Variants in ZBTB20 observed in about 807,000 individuals in gnomAD.
ZBTB20 encodes the protein zinc finger and BTB domain-containing protein 20.
ZBTB20 carries 9 observed loss-of-function variants against 56.9 expected under a neutral mutation model. The observed-to-expected ratio is 0.16, with a 90% CI of 0.10 to 0.28. ZBTB20 has a LOEUF of 0.28. ZBTB20 is among the 10% of genes least tolerant of loss of function. The pLI, the probability that ZBTB20 is intolerant of heterozygous loss-of-function variation, is 1.00. For synonymous variants in ZBTB20, 417 were observed against 420.7 expected, an observed-to-expected ratio of 0.99 and a Z score of 0.11; for missense variants, 655 against 1,003.0, an observed-to-expected ratio of 0.65 and a Z score of 4.69.
At chr3:115,035,479 T>C (rs2080875139) in intron 2 of ZBTB20, among the ~76,000 whole-genome samples, 1 of 151,826 alleles carries the variant, frequency 6.6e-6, no homozygotes. Context: ...GACTAATCAT[T>C]TGGGAAATGT....
intron 5 of ZBTB20, among the ~76,000 whole-genome samples, chr3:114,746,144 T>C (rs1453779462): frequency 2.0e-5 from 3 of 152,228 alleles, no homozygotes; most frequent in African/African-American, 7.2e-5. Context: ...GAATACCTAC[T>C]GAAGCCTTTG....
At chr3:115,015,416 G>C (rs1447328401) in intron 2 of ZBTB20, among the ~76,000 whole-genome samples, 1 of 151,672 alleles carries the variant, frequency 6.6e-6, no homozygotes, top group Non-Finnish European at 1.5e-5. Context: ...CCATCACCTA[G>C]GTATTAAACC....
chr3:114,853,485 G>A (rs978721699), intron 4 of ZBTB20, among the ~76,000 whole-genome samples: 1 of 152,096 alleles, frequency 6.6e-6, no homozygotes, highest in Non-Finnish European at 1.5e-5. Context: ...TTTTTCATCT[G>A]TGGCCTCCTA....
chr3:114,741,337 T>C (rs2066555267), intron 5 of ZBTB20, among the ~76,000 whole-genome samples: 1 of 152,100 alleles, frequency 6.6e-6, no homozygotes, highest in Non-Finnish European at 1.5e-5. Flanking sequence ...TCAAGAAAAA[T>C]GGAACCATCT....
At chr3:114,358,810 T>C (rs1286737159) in intron 10 of ZBTB20, among the ~76,000 whole-genome samples, 1 of 152,174 alleles carries the variant, frequency 6.6e-6, no homozygotes, top group Non-Finnish European at 1.5e-5. Flanking sequence ...AATTTATCCA[T>C]AAGGATCTTT....
chr3:114,861,078 C>A (rs1323851651), intron 4 of ZBTB20, among the ~76,000 whole-genome samples: 3 of 152,130 alleles, frequency 2.0e-5, no homozygotes, highest in East Asian at 3.8e-4. Context: ...GGCCTTTAGA[C>A]CTTTTGTTAC....
intron 5 of ZBTB20, among the ~76,000 whole-genome samples, chr3:114,702,443 C>T (rs1477912009): frequency 1.3e-5 from 2 of 150,346 alleles, no homozygotes; most frequent in African/African-American, 4.9e-5. Context: ...TGCATATAAA[C>T]CTATAAATAT....
At chr3:114,871,981 T>C (rs930580223) in intron 4 of ZBTB20, among the ~76,000 whole-genome samples, 2 of 152,110 alleles carry the variant, frequency 1.3e-5, no homozygotes, top group African/African-American at 4.8e-5. Flanking sequence ...ATGAGTCTTT[T>C]CATGATCTTC....
At chr3:114,721,839 A>G (rs928787039) in intron 5 of ZBTB20, among the ~76,000 whole-genome samples, 1 of 152,182 alleles carries the variant, frequency 6.6e-6, no homozygotes, top group African/African-American at 2.4e-5. Flanking sequence ...TTTTTGGGTT[A>G]TATTATGAAT....
chr3:115,067,383 T>C (rs531041926), intron 2 of ZBTB20, among the ~76,000 whole-genome samples: 34 of 152,182 alleles, frequency 2.2e-4, no homozygotes, highest in Admixed American at 4.6e-4. Flanking sequence ...TCAAATGTCA[T>C]GAGTGCCTCT....
intron 4 of ZBTB20, among the ~76,000 whole-genome samples, chr3:114,846,225 C>T (rs973094100): frequency 1.4e-4 from 21 of 152,182 alleles, no homozygotes; most frequent in Non-Finnish European, 1.8e-4. Context: ...GAAGACAAAG[C>T]GGTCAAGCAG....
Position 114,488,427 on chromosome 3 carries a change from T to C in ZBTB20, c.-255+11925A>G, listed in dbSNP as rs577563900. ...CAAATATTTTTCCTAGTTTAAAAAA[T>C]GATTTTCTACCATAGTAATTTTTAT... On this transcript the variant is annotated intron_variant, in intron 7 of 11. Transcript: ENST00000675478. 6.9e-4 allele frequency among the ~76,000 whole-genome samples: 105 copies of C among 152,352 alleles called. 1 individual carries two copies. The South Asian group carries it at 0.021, about 31-fold the overall frequency.
At chr3:114,830,527 A>G (rs2073784797) in intron 4 of ZBTB20, among the ~76,000 whole-genome samples, 2 of 151,700 alleles carry the variant, frequency 1.3e-5, no homozygotes, top group Admixed American at 1.3e-4. Flanking sequence ...CACTCCTGAA[A>G]AATTTAATAT....
At chr3:114,889,146 T>C (rs2076714237) in intron 4 of ZBTB20, among the ~76,000 whole-genome samples, 1 of 151,948 alleles carries the variant, frequency 6.6e-6, no homozygotes, top group South Asian at 2.1e-4. Context: ...TTTACCCTAA[T>C]GCACAGAAAT....
chr3:114,881,791 TA>T (rs908782528), intron 4 of ZBTB20, among the ~76,000 whole-genome samples: 3 of 151,724 alleles, frequency 2.0e-5, no homozygotes, highest in African/African-American at 7.2e-5. Flanking sequence ...TTCAAAGAAT[TA>T]AAAAAATTGG....
intron 4 of ZBTB20, among the ~76,000 whole-genome samples, chr3:114,831,502 C>T (rs894176459): frequency 6.6e-6 from 1 of 152,024 alleles, no homozygotes; most frequent in Non-Finnish European, 1.5e-5. Flanking sequence ...AATTACTCTA[C>T]AGTGTCTAAC....
intron 1 of ZBTB20, among the ~76,000 whole-genome samples, chr3:115,101,063 T>C (rs1423506495): frequency 2.0e-5 from 3 of 152,256 alleles, no homozygotes; most frequent in African/African-American, 4.8e-5. Flanking sequence ...AGAAGGGAGA[T>C]TGGCTTCTCA....
intron 6 of ZBTB20, chr3:114,582,310 A>G (rs941865778): frequency 2.0e-5 from 3 of 152,174 alleles, no homozygotes; most frequent in African/African-American, 7.2e-5. Context: ...CAAATGTTCC[A>G]AATTATTAAA....
At chr3:115,100,913 C>A (rs2083562014) in intron 1 of ZBTB20, among the ~76,000 whole-genome samples, 1 of 152,216 alleles carries the variant, frequency 6.6e-6, no homozygotes, top group African/African-American at 2.4e-5. Flanking sequence ...AAACTGATCT[C>A]AGACAAAACT....
Sources: gnomAD v4.1 joint callset for allele counts (sites outside exome capture counted in the v4.1 genomes callset) on GRCh38, gnomAD v4.1.1 for gene constraint, MANE v1.5 for transcripts, NCBI Gene and HGNC (gene_info 2026-07-23, HGNC 2026-07-21) for gene names.